TMEM212: variants seen among roughly 807,000 people sequenced by gnomAD.
TMEM212 encodes the protein transmembrane protein 212.
In TMEM212, 23 loss-of-function variants were observed where a neutral mutation model predicts 20.5. The observed-to-expected ratio is 1.12, with a 90% confidence interval of 0.81 to 1.59. The LOEUF (loss-of-function observed/expected upper bound fraction) is 1.59, where lower values mean the gene tolerates loss of function less well. Among genes scored for constraint, TMEM212 ranks in the 40% most tolerant of loss-of-function variants. The probability of loss-of-function intolerance (pLI) is 0.00; values close to 1 mark genes in which losing one functional copy is unlikely to be tolerated. For missense variants in TMEM212, 211 were observed against 215.0 expected, an observed-to-expected ratio of 0.98 and a Z score of 0.12; for synonymous variants, 76 against 81.6, an observed-to-expected ratio of 0.93 and a Z score of 0.37.
At chr3:171,848,061 A>C (rs1357830764) in intron 1 of TMEM212, among the ~76,000 whole-genome samples, 2 of 152,198 alleles carry the variant, frequency 1.3e-5, no homozygotes, top group Non-Finnish European at 2.9e-5. Flanking sequence ...TCTTGTCACC[A>C]AAACCATTTT....
rs1334166176 is a variant in TMEM212, at chr3:171,852,021, G to C, written c.199G>C (p.Glu67Gln). 3 of 1,537,026 alleles carry C rather than the reference G, an allele frequency of 2.0e-6. No homozygotes were observed. Among genetic ancestry groups the C allele is most frequent in the Non-Finnish European group, 2.6e-6 (3 of 1,146,716 alleles). Residue 67 changes from glutamate (E) to glutamine (Q), a missense_variant, in exon 2 of 5, where the codon GAG becomes CAG. Physicochemically the swap from Glu to Gln is conservative, Grantham distance 29. Coordinates refer to ENST00000334567, the MANE Select transcript of TMEM212 (RefSeq NM_001164436.2). ...TGTGCTTCTACTGTTGGCTTACAGA[G>C]AGTGGACCCAGAGGTACCTGGTAAA... The part of the protein sequence containing the change: ...TGVLLLLAYR[E>Q]WTQRYLGEAT...
intron 2 of TMEM212, among the ~76,000 whole-genome samples, chr3:171,852,296 G>A (rs1724995063): frequency 1.1e-4 from 17 of 151,996 alleles, no homozygotes; most frequent in Admixed American, 1.1e-3. Flanking sequence ...CACCTCCCAG[G>A]TTCAAGTGAT....
chr3:171,850,116 T>C (rs1286129826), intron 1 of TMEM212, among the ~76,000 whole-genome samples: 1 of 152,094 alleles, frequency 6.6e-6, no homozygotes, highest in Non-Finnish European at 1.5e-5. Flanking sequence ...AATATAATTT[T>C]CAAGAAGAAA....
chr3:171,853,797 T>C lies in TMEM212; in HGVS notation c.490T>C (p.Leu164=). The change falls in exon 3 of 5, where the codon TTG becomes CTG. Residue 164 remains leucine, a synonymous_variant. Coordinates refer to ENST00000334567, the MANE Select transcript of TMEM212 (RefSeq NM_001164436.2). ...AAGCTTTACCCTACTCTGTACATCC[T>C]TGACAGTGTTCATCAAACTTTCTGC... The part of the protein sequence containing the change: ...CLSFTLLCTS[L]TVFIKLSARL... The C allele has an allele frequency of 6.5e-7, 1 of 1,537,044 alleles. No homozygotes were observed.
intron 2 of TMEM212, among the ~76,000 whole-genome samples, chr3:171,852,703 C>A (rs1170286443): frequency 6.6e-6 from 1 of 152,160 alleles, no homozygotes; most frequent in Non-Finnish European, 1.5e-5. Context: ...CTTCTTGGTA[C>A]CTCTCCTTCT....
intron 1 of TMEM212, among the ~76,000 whole-genome samples, chr3:171,847,590 C>G (rs939077156): frequency 2.0e-5 from 3 of 152,102 alleles, no homozygotes; most frequent in African/African-American, 7.2e-5. Context: ...AAAGAGACAT[C>G]AATATAGAAC....
chr3:171,853,783 T>TA lies in TMEM212; in HGVS notation c.477dup (p.Leu160ThrfsTer71). ...CTAGACCTGTGCCTAAGCTTTACCC[T>TA]ACTCTGTACATCCTTGACAGTGTTC... is the stretch of plus-strand genomic sequence containing the variant. On this transcript the variant is annotated frameshift_variant, in exon 3 of 5. Transcript: ENST00000334567. LOFTEE classifies it high-confidence loss of function. 3 of 1,537,214 alleles carry TA rather than the reference T, an allele frequency of 2.0e-6. No individual in the cohort carries two copies. Among genetic ancestry groups the TA allele is most frequent in the Non-Finnish European group, 2.6e-6 (3 of 1,146,856 alleles).
At chr3:171,850,534 A>C (rs1724951947) in intron 1 of TMEM212, among the ~76,000 whole-genome samples, 1 of 152,212 alleles carries the variant, frequency 6.6e-6, no homozygotes, top group South Asian at 2.1e-4. Context: ...ATCTGGCTTC[A>C]GTGTTTCTCT....
At chr3:171,849,229 T>G (rs1724912796) in intron 1 of TMEM212, among the ~76,000 whole-genome samples, 1 of 152,086 alleles carries the variant, frequency 6.6e-6, no homozygotes, top group African/African-American at 2.4e-5. Context: ...TTAAACCCAC[T>G]TCAGATCCTA....
intron 3 of TMEM212, among the ~76,000 whole-genome samples, chr3:171,856,161 T>C (rs1412182165): frequency 6.6e-6 from 1 of 152,166 alleles, no homozygotes; most frequent in East Asian, 1.9e-4. Context: ...ATTTCATAGA[T>C]TGGTATCATC....
chr3:171,853,553 TC>T lies in TMEM212; in HGVS notation c.247del (p.Leu83Ter), dbSNP rs992150089. 1 of 1,536,930 alleles carries T rather than the reference TC, an allele frequency of 6.5e-7. No homozygotes were observed. The highest frequency in any genetic ancestry group is 1.4e-5 in the African/African-American group (1 of 73,036). ...LGEATFTFVI[L>X]SIMGCPLHFA... ...GGGAAGCTACTTTCACCTTTGTGAT[TC>T]TGAGCATTATGGGATGTCCACTTCA... On this transcript the variant is annotated frameshift_variant, in exon 3 of 5. Coordinates refer to ENST00000334567, the MANE Select transcript of TMEM212 (RefSeq NM_001164436.2). LOFTEE classifies it high-confidence loss of function.
At chr3:171,849,754 C>T (rs1724928065) in intron 1 of TMEM212, among the ~76,000 whole-genome samples, 1 of 152,182 alleles carries the variant, frequency 6.6e-6, no homozygotes, top group South Asian at 2.1e-4. Flanking sequence ...ACTACGTCCT[C>T]TACTTAGGCA....
intron 3 of TMEM212, among the ~76,000 whole-genome samples, chr3:171,854,194 A>G (rs983421729): frequency 6.6e-6 from 1 of 152,172 alleles, no homozygotes; most frequent in Non-Finnish European, 1.5e-5. Flanking sequence ...ATTAGGCAAG[A>G]AAAAGAAATT....
At chr3:171,852,606 A>G (rs1414181190) in intron 2 of TMEM212, among the ~76,000 whole-genome samples, 1 of 152,186 alleles carries the variant, frequency 6.6e-6, no homozygotes, top group African/African-American at 2.4e-5. Context: ...CCTAAATTTC[A>G]TTTTGAAGAA....
chr3:171,849,798 C>CA (rs1359231609), intron 1 of TMEM212, among the ~76,000 whole-genome samples: 2 of 152,188 alleles, frequency 1.3e-5, no homozygotes, highest in African/African-American at 4.8e-5. Flanking sequence ...TCACAATGAT[C>CA]ATGCAATCAA....
At chr3:171,844,081 A>G (rs918732924) in intron 1 of TMEM212, among the ~76,000 whole-genome samples, 2 of 152,236 alleles carry the variant, frequency 1.3e-5, no homozygotes, top group East Asian at 1.9e-4. Context: ...AATAATTCAA[A>G]TAATTCAATA....
intron 1 of TMEM212, among the ~76,000 whole-genome samples, chr3:171,846,482 A>G (rs1397383853): frequency 1.3e-5 from 2 of 152,148 alleles, no homozygotes; most frequent in Admixed American, 6.5e-5. Flanking sequence ...TTTTTCTATT[A>G]TGTTTACTGC....
chr3:171,851,925 C>G (rs572546129), intron 1 of TMEM212, 57 bp from the exon 2 acceptor site: 2 of 1,460,770 alleles, frequency 1.4e-6, no homozygotes, highest in Admixed American at 3.9e-5. Context: ...ACAGATTGAA[C>G]TCTTTCCAGA....
chr3:171,850,598 A>C (rs1724953958), intron 1 of TMEM212, among the ~76,000 whole-genome samples: 1 of 152,184 alleles, frequency 6.6e-6, no homozygotes, highest in East Asian at 1.9e-4. Flanking sequence ...AAAGCACAGA[A>C]AGCCCCAGGC....
Sources: gnomAD v4.1 joint callset for allele counts (sites outside exome capture counted in the v4.1 genomes callset) on GRCh38, gnomAD v4.1.1 for gene constraint, MANE v1.5 for transcripts, NCBI Gene and HGNC (gene_info 2026-07-23, HGNC 2026-07-21) for gene names.